The following PRH1 variants were observed in gnomAD, a reference collection of about 807,000 sequenced individuals.
PRH1 encodes salivary acidic proline-rich phosphoprotein 1/2.
PRH1 carries 7 observed loss-of-function variants against 7.9 expected under a neutral mutation model. That is an observed-to-expected ratio of 0.89 (90% confidence interval 0.50 to 1.67). The LOEUF (loss-of-function observed/expected upper bound fraction) is 1.67, where lower values mean the gene tolerates loss of function less well. PRH1 is among the 40% of genes most tolerant of loss of function. The pLI is 0.00. For synonymous variants in PRH1, 45 were observed against 80.8 expected (o/e 0.56, Z 2.38); for missense variants, 109 against 223.6 (o/e 0.49, Z 3.27).
intron 1 of PRH1, chr12:11,091,477 A>T (rs1944897898): frequency 3.0e-6 from 4 of 1,334,546 alleles, no homozygotes; most frequent in Non-Finnish European, 4.2e-6. Flanking sequence ...GACTTCCAAA[A>T]CTCCAAACTG....
At chr12:10,897,262 A>G (rs746633770) in intron 2 of PRH1, among the ~76,000 whole-genome samples, 11 of 152,226 alleles carry the variant, frequency 7.2e-5, no homozygotes, top group Non-Finnish European at 1.0e-4. Context: ...CCATATTTCA[A>G]ATGCTCACTA....
chr12:11,146,056 T>C (rs1295402926), intron 1 of PRH1, among the ~76,000 whole-genome samples: 1 of 152,172 alleles, frequency 6.6e-6, no homozygotes, highest in Non-Finnish European at 1.5e-5. Context: ...TGTATGTATT[T>C]TTATGCTAAA....
At chr12:11,010,818 A>ACT (rs1941034218) in intron 1 of PRH1, among the ~76,000 whole-genome samples, 1 of 131,318 alleles carries the variant, frequency 7.6e-6, no homozygotes, top group Admixed American at 8.1e-5. Context: ...TAATTACATG[A>ACT]CTGATTTCAT....
At chr12:11,171,132 CTAAATGG>C in intron 1 of PRH1, 1 of 393,148 alleles carries the variant, frequency 2.5e-6, no homozygotes, top group Non-Finnish European at 4.5e-6. Context: ...CAGTTGAGCT[CTAAATGG>C]TAAATGCCAC....
chr12:10,897,132 G>C (rs1447970767), intron 2 of PRH1, among the ~76,000 whole-genome samples: 1 of 152,122 alleles, frequency 6.6e-6, no homozygotes, highest in African/African-American at 2.4e-5. Context: ...TATGAGCCAA[G>C]AAAGCGATAT....
At chr12:11,035,481 G>T (rs1942397980) in intron 1 of PRH1, among the ~76,000 whole-genome samples, 1 of 152,102 alleles carries the variant, frequency 6.6e-6, no homozygotes, top group Admixed American at 6.5e-5. Context: ...TGTTTTAGAA[G>T]TAGAAATGAA....
chr12:11,055,672 T>G (rs549480375), intron 1 of PRH1, among the ~76,000 whole-genome samples: 49 of 152,212 alleles, frequency 3.2e-4, no homozygotes, highest in Non-Finnish European at 5.4e-4. Flanking sequence ...AGCATGCAAA[T>G]CAGGTCATAT....
chr12:11,005,151 T>C (rs1370011912), intron 1 of PRH1, among the ~76,000 whole-genome samples: 1 of 152,186 alleles, frequency 6.6e-6, no homozygotes, highest in Admixed American at 6.5e-5. Flanking sequence ...ATGAATTCAA[T>C]GCTGTCTTTA....
chr12:10,899,029 T>C (rs762755251), intron 2 of PRH1, among the ~76,000 whole-genome samples: 12 of 152,228 alleles, frequency 7.9e-5, no homozygotes, highest in Non-Finnish European at 1.6e-4. Context: ...TGCCCTGCTG[T>C]GTTTTGTACT....
Position 10,965,575 on chromosome 12 carries a change from C to A in PRH1, c.-59+8080G>T, listed in dbSNP as rs373062065. Among the ~76,000 whole-genome samples, 33 of 152,300 alleles carry A rather than the reference C, an allele frequency of 2.2e-4. No individual in the cohort carries two copies. In the East Asian group the frequency reaches 6.4e-3, roughly 29 times the overall value. ...GGAAAACATTCTAATTTTCAAACAG[C>A]TCAACTTAATTCATTCATTCAATGT... On this transcript the variant is annotated intron_variant, in intron 2 of 3. Coordinates refer to the PRH1 transcript ENST00000539853.
intron 2 of PRH1, among the ~76,000 whole-genome samples, chr12:10,916,609 A>T (rs1430372572): frequency 6.6e-6 from 1 of 152,108 alleles, no homozygotes; most frequent in Non-Finnish European, 1.5e-5. Context: ...GCTCTCACCA[A>T]GACAGTGAAA....
intron 1 of PRH1, among the ~76,000 whole-genome samples, chr12:11,152,346 G>A (rs977355769): frequency 2.0e-5 from 3 of 147,158 alleles, no homozygotes; most frequent in Non-Finnish European, 4.5e-5. Flanking sequence ...AATAATACAA[G>A]AAAATTTCTT....
At chr12:10,968,464 T>A (rs1034488945) in intron 2 of PRH1, among the ~76,000 whole-genome samples, 1 of 152,254 alleles carries the variant, frequency 6.6e-6, no homozygotes, top group East Asian at 1.9e-4. Flanking sequence ...CAAGGTAGAC[T>A]GCTAGCTAAT....
intron 1 of PRH1, chr12:11,078,499 G>C: frequency 6.5e-6 from 1 of 152,858 alleles, no homozygotes; most frequent in Non-Finnish European, 1.4e-5. Flanking sequence ...TATACTATCT[G>C]TCCCTGCTAC....
chr12:11,146,143 T>C (rs1383233133), intron 1 of PRH1, among the ~76,000 whole-genome samples: 7 of 152,144 alleles, frequency 4.6e-5, no homozygotes, highest in African/African-American at 1.7e-4. Context: ...CTTTTTACTA[T>C]CTGGATACCT....
chr12:11,157,754 A>G (rs1027581943), intron 1 of PRH1, among the ~76,000 whole-genome samples: 2 of 152,214 alleles, frequency 1.3e-5, no homozygotes, highest in African/African-American at 4.8e-5. Context: ...TTACCTAGAC[A>G]TTCTCCAAAT....
At chr12:11,143,812 G>A (rs1044987540) in intron 1 of PRH1, among the ~76,000 whole-genome samples, 5 of 152,194 alleles carry the variant, frequency 3.3e-5, no homozygotes, top group Admixed American at 3.3e-4. Context: ...CAACACTGGA[G>A]CTCCCACGTA....
intron 1 of PRH1, among the ~76,000 whole-genome samples, chr12:10,990,482 A>G (rs1465650041): frequency 6.6e-6 from 1 of 152,214 alleles, no homozygotes; most frequent in Non-Finnish European, 1.5e-5. Context: ...AGCATGGGAT[A>G]GCCAGGCATT....
At chr12:10,930,582 C>T (rs904350438) in intron 2 of PRH1, 21 of 1,582,738 alleles carry the variant, frequency 1.3e-5, no homozygotes, top group Admixed American at 5.2e-5. Context: ...AGGGGCCGGC[C>T]GTGTGGTGAA....
Sources: gnomAD v4.1 joint callset for allele counts (sites outside exome capture counted in the v4.1 genomes callset) on GRCh38, gnomAD v4.1.1 for gene constraint, MANE v1.5 for transcripts, NCBI Gene and HGNC (gene_info 2026-07-23, HGNC 2026-07-21) for gene names.